GRIP1: variants seen among roughly 807,000 people sequenced by gnomAD.
The protein encoded by GRIP1 is glutamate receptor interacting protein 1.
GRIP1 carries 45 observed loss-of-function variants against 129.9 expected under a neutral mutation model. The observed-to-expected ratio is 0.35, with a 90% confidence interval of 0.27 to 0.44. GRIP1 has a LOEUF of 0.44. Ranked by LOEUF, GRIP1 falls within the 20% of genes least tolerant of loss-of-function variation. GRIP1 has a pLI of 1.00. For missense variants in GRIP1, 1,196 were observed against 1,396.8 expected, an observed-to-expected ratio of 0.86 and a Z score of 2.29; for synonymous variants, 530 against 520.8, an observed-to-expected ratio of 1.02 and a Z score of -0.24.
chr12:66,477,864 T>C (rs562673762), intron 7 of GRIP1, among the ~76,000 whole-genome samples: 9 of 152,250 alleles, frequency 5.9e-5, no homozygotes, highest in African/African-American at 2.2e-4. Context: ...TTACACCTTA[T>C]ACAAAAATTA....
intron 1 of GRIP1, among the ~76,000 whole-genome samples, chr12:66,847,323 C>G: frequency 6.6e-6 from 1 of 152,242 alleles, no homozygotes; most frequent in African/African-American, 2.4e-5. Flanking sequence ...TCCCTTCCTA[C>G]TTTCCCAGGC....
chr12:66,996,117 TAG>T (rs1479923228), intron 1 of GRIP1, among the ~76,000 whole-genome samples: 1 of 151,880 alleles, frequency 6.6e-6, no homozygotes, highest in African/African-American at 2.4e-5. Flanking sequence ...AGTAGATCAG[TAG>T]TTGTCTAGGG....
chr12:66,401,240 G>GT (rs2056975536), intron 16 of GRIP1, among the ~76,000 whole-genome samples: 1 of 151,952 alleles, frequency 6.6e-6, no homozygotes, highest in Non-Finnish European at 1.5e-5. Context: ...AACATTCATT[G>GT]GGCCTCACTA....
chr12:66,773,353 T>C (rs4344575), intron 1 of GRIP1, among the ~76,000 whole-genome samples: 11,072 of 152,238 alleles, frequency 0.073, 565 homozygotes, highest in East Asian at 0.18. Context: ...ATATACCCAG[T>C]AATGGGATTG....
At chr12:66,902,415 G>C (rs1209735805) in intron 1 of GRIP1, among the ~76,000 whole-genome samples, 1 of 152,126 alleles carries the variant, frequency 6.6e-6, no homozygotes, top group East Asian at 1.9e-4. Flanking sequence ...CTGAGGGATG[G>C]TTTCAGGCAA....
At chr12:66,941,836 T>C (rs1592372458) in intron 1 of GRIP1, among the ~76,000 whole-genome samples, 1 of 152,222 alleles carries the variant, frequency 6.6e-6, no homozygotes, top group East Asian at 1.9e-4. Context: ...CACTATTCAG[T>C]GGAGGATTGT....
chr12:66,453,742 A>G (rs558383848), intron 11 of GRIP1, among the ~76,000 whole-genome samples: 24 of 152,270 alleles, frequency 1.6e-4, no homozygotes, highest in Non-Finnish European at 2.9e-4. Context: ...CAATTACCCA[A>G]TGAAGTGATT....
intron 19 of GRIP1, among the ~76,000 whole-genome samples, chr12:66,386,763 G>A (rs2056377756): frequency 6.6e-6 from 1 of 152,210 alleles, no homozygotes; most frequent in African/African-American, 2.4e-5. Flanking sequence ...TTAATTCGCT[G>A]CCAAATTTGT....
intron 1 of GRIP1, among the ~76,000 whole-genome samples, chr12:66,718,580 G>C (rs1034133872): frequency 1.8e-4 from 28 of 152,202 alleles, no homozygotes; most frequent in African/African-American, 6.3e-4. Flanking sequence ...GCTGGGTGCG[G>C]TGGCTCATGC....
At chr12:66,803,011 T>C (rs954971062) in intron 1 of GRIP1, among the ~76,000 whole-genome samples, 1 of 152,200 alleles carries the variant, frequency 6.6e-6, no homozygotes, top group Non-Finnish European at 1.5e-5. Flanking sequence ...ACCACATGAA[T>C]TTTCAACCCT....
At chr12:66,761,355 G>A (rs1015912105) in intron 1 of GRIP1, among the ~76,000 whole-genome samples, 4 of 152,052 alleles carry the variant, frequency 2.6e-5, no homozygotes, top group African/African-American at 9.7e-5. Context: ...AGAGCTGGGT[G>A]CAAGTCTTCC....
chr12:66,672,020 G>T (rs1159059237), intron 1 of GRIP1, among the ~76,000 whole-genome samples: 1 of 152,196 alleles, frequency 6.6e-6, no homozygotes, highest in Non-Finnish European at 1.5e-5. Context: ...TGACAAGTGT[G>T]TGCTAATGTG....
intron 1 of GRIP1, among the ~76,000 whole-genome samples, chr12:66,898,469 A>C (rs1361570787): frequency 6.6e-6 from 1 of 151,946 alleles, no homozygotes; most frequent in Non-Finnish European, 1.5e-5. Context: ...AATGCATCCA[A>C]CTCCTTTAAC....
chr12:66,930,050 TCTCTC>T (rs1320476464), intron 1 of GRIP1, among the ~76,000 whole-genome samples: 1 of 129,548 alleles, frequency 7.7e-6, no homozygotes, highest in Non-Finnish European at 1.7e-5. Flanking sequence ...TCTCTCTCTC[TCTCTC>T]TTTTTTTTTT....
intron 1 of GRIP1, among the ~76,000 whole-genome samples, chr12:67,032,171 C>T (rs2043032283): frequency 1.3e-5 from 2 of 152,172 alleles, no homozygotes; most frequent in East Asian, 3.9e-4. Context: ...CTTCTACTAG[C>T]CTGCAGGCTT....
At chr12:66,558,145 A>C (rs769814446) in intron 2 of GRIP1, among the ~76,000 whole-genome samples, 17 of 152,180 alleles carry the variant, frequency 1.1e-4, no homozygotes, top group Non-Finnish European at 2.1e-4. Context: ...CTGATACTAC[A>C]GAAACTCAAA....
chr12:66,650,159 C>T (rs1273239419), intron 1 of GRIP1, among the ~76,000 whole-genome samples: 1 of 152,154 alleles, frequency 6.6e-6, no homozygotes, highest in Non-Finnish European at 1.5e-5. Flanking sequence ...CAAGGGAGGG[C>T]ATCCCACTCC....
chr12:67,022,999 A>C (rs2042890542), intron 1 of GRIP1, among the ~76,000 whole-genome samples: 1 of 152,090 alleles, frequency 6.6e-6, no homozygotes, highest in African/African-American at 2.4e-5. Flanking sequence ...CCACTTTTAA[A>C]ATTTTGGTTT....
intron 1 of GRIP1, among the ~76,000 whole-genome samples, chr12:66,722,569 C>T (rs1394966466): frequency 4.6e-5 from 7 of 152,026 alleles, no homozygotes; most frequent in Non-Finnish European, 7.4e-5. Context: ...CAGAGAGACA[C>T]GAAGTGAACA....
Sources: allele counts gnomAD v4.1 joint callset (sites outside exome capture counted in the v4.1 genomes callset), GRCh38; gene constraint gnomAD v4.1.1; transcripts MANE v1.5; gene names NCBI Gene and HGNC (gene_info 2026-07-23, HGNC 2026-07-21).